PCDHGA8: variants seen among roughly 807,000 people sequenced by gnomAD.
PCDHGA8 encodes protocadherin gamma subfamily A, 8, also known as protocadherin gamma-A8.
In PCDHGA8, 45 loss-of-function variants were observed where a neutral mutation model predicts 59.2. The observed-to-expected ratio is 0.76, with a 90% CI of 0.60 to 0.98. The LOEUF (loss-of-function observed/expected upper bound fraction) is 0.98. Ranked by LOEUF, PCDHGA8 falls within the 50% of genes least tolerant of loss-of-function variation. The pLI, the probability that PCDHGA8 is intolerant of heterozygous loss-of-function variation, is 0.00. For synonymous variants in PCDHGA8, 531 were observed against 519.0 expected (o/e 1.02, Z -0.32); for missense variants, 1,257 against 1,196.2 (o/e 1.05, Z -0.75).
In PCDHGA8 at chr5:141,510,950, C is replaced by T. The variant is rs770587030; in HGVS notation, c.2576C>T (p.Ala859Val). 1.2e-6 allele frequency: 2 copies of T among 1,614,126 alleles called. No homozygotes were observed. The highest frequency in any genetic ancestry group is 2.2e-5 in the South Asian group (2 of 91,078). ...QAMILASASE[A>V]ADGSSTLGGG... Reference sequence around the variant, plus strand: ...TGATCTTCCTCTGTCTCTGCAGAAGCTGCTGATGGGAGCTCCACCCTGGGA... The same window carrying T: ...TGATCTTCCTCTGTCTCTGCAGAAGTTGCTGATGGGAGCTCCACCCTGGGA... The change falls in exon 4 of 4, where the codon GCT (alanine) becomes GTT (valine). Residue 859 changes from alanine (A) to valine (V), a missense_variant. Physicochemically the swap from Ala to Val is moderately conservative, Grantham distance 64. Transcript: ENST00000398604.
chr5:141,488,815 T>A (rs769851687), intron 1 of PCDHGA8, among the ~76,000 whole-genome samples: 30 of 152,144 alleles, frequency 2.0e-4, no homozygotes, highest in Non-Finnish European at 4.1e-4. Context: ...ATCTGAGCTG[T>A]CAAACTTTGC....
At chr5:141,462,062 A>T (rs957948334) in intron 1 of PCDHGA8, among the ~76,000 whole-genome samples, 3 of 152,168 alleles carry the variant, frequency 2.0e-5, no homozygotes, top group African/African-American at 2.4e-5. Context: ...ACCTCAGGTG[A>T]TCTGCCCGCC....
In PCDHGA8 at chr5:141,432,867, T is replaced by C; in HGVS notation, c.2424+37630T>C. ...GTAGCGGTGGCCGCGGTCTCCTGCG[T>C]CTTCCTGGCCTTCGTCATCTTGCTG... On this transcript the variant is annotated intron_variant, in intron 1 of 3. Coordinates refer to ENST00000398604, the MANE Select transcript of PCDHGA8 (RefSeq NM_032088.2). The surrounding 1 kb of genome is among the most constrained non-coding windows in gnomAD (Gnocchi z 6.0). 2 of 1,614,182 alleles carry C rather than the reference T, an allele frequency of 1.2e-6. No individual in the cohort carries two copies. The highest frequency in any genetic ancestry group is 1.7e-6 in the Non-Finnish European group (2 of 1,180,010).
At chr5:141,482,957 C>A (rs2099575063) in intron 1 of PCDHGA8, among the ~76,000 whole-genome samples, 2 of 57,944 alleles carry the variant, frequency 3.5e-5, no homozygotes, top group Admixed American at 1.5e-4. Context: ...CCTGTAATTC[C>A]AGCTACTTGA....
intron 1 of PCDHGA8, among the ~76,000 whole-genome samples, chr5:141,492,084 G>C (rs979755390): frequency 2.0e-5 from 3 of 152,236 alleles, no homozygotes; most frequent in African/African-American, 7.2e-5. Flanking sequence ...GCTCCGGCAC[G>C]CTTCGCCGGT....
At chr5:141,459,136 T>C (rs1044347522) in intron 1 of PCDHGA8, among the ~76,000 whole-genome samples, 2 of 152,224 alleles carry the variant, frequency 1.3e-5, no homozygotes, top group Non-Finnish European at 2.9e-5. Context: ...GTAACCACCA[T>C]GCAATCAAAA....
At chr5:141,408,643 C>T (rs751905674) in intron 1 of PCDHGA8, 3 of 1,613,910 alleles carry the variant, frequency 1.9e-6, no homozygotes, top group Non-Finnish European at 1.7e-6. Context: ...AATCTGCATC[C>T]GCTGGTACAC....
chr5:141,488,222 G>A (rs1351438124), intron 1 of PCDHGA8, among the ~76,000 whole-genome samples: 1 of 152,104 alleles, frequency 6.6e-6, no homozygotes, highest in Admixed American at 6.5e-5. Flanking sequence ...TCCCTACTGG[G>A]GATTTGAACT....
intron 1 of PCDHGA8, chr5:141,419,588 A>C: frequency 6.2e-7 from 1 of 1,611,830 alleles, no homozygotes; most frequent in Non-Finnish European, 8.5e-7. Flanking sequence ...GCTCTTCGAC[A>C]CAGTGCCGCG....
In PCDHGA8 at chr5:141,423,758, G is replaced by T. The variant is rs1192987646; in HGVS notation, c.2424+28521G>T. Reference sequence around the variant, plus strand: ...CTGTTATGAAAACTGTTTGGGGGGGGGGTGGGGCGGCATATATTTAGTTCA... The same window carrying T: ...CTGTTATGAAAACTGTTTGGGGGGGTGGTGGGGCGGCATATATTTAGTTCA... On this transcript the variant is annotated intron_variant, in intron 1 of 3. Transcript: ENST00000398604. 1.4e-4 allele frequency: 53 copies of T among 366,832 alleles called. 6 individuals carry two copies. The highest frequency in any genetic ancestry group is 3.4e-4 in the South Asian group (4 of 11,762). 22.7% of individuals were successfully genotyped at this position (366,832 alleles called of 1,614,324 possible).
In PCDHGA8 at chr5:141,505,323, G is replaced by T. The variant is rs996747379; in HGVS notation, c.2484-70G>T. 12 of 1,606,640 alleles carry T rather than the reference G, an allele frequency of 7.5e-6. No homozygotes were observed. In the African/African-American group the frequency reaches 1.5e-4, roughly 20 times the overall value. On this transcript the variant is annotated intron_variant, in intron 2 of 3. Transcript: ENST00000398604. Reference sequence around the variant, plus strand: ...TAGGGTACTAGGTTTGGGAGCCCTGGGAGAGGACAGGAGGGGCATGAGCTG... The same window carrying T: ...TAGGGTACTAGGTTTGGGAGCCCTGTGAGAGGACAGGAGGGGCATGAGCTG...
In PCDHGA8 at chr5:141,511,352, C is replaced by A. The variant is rs2099883742; in HGVS notation, c.*179C>A. The A allele has an allele frequency of 3.6e-6, 5 of 1,381,248 alleles. No homozygotes were observed. The highest frequency in any genetic ancestry group is 2.7e-4 in the Middle Eastern group (1 of 3,772). 85.6% of individuals were successfully genotyped at this position (1,381,248 alleles called of 1,614,324 possible). ...CAGTCAGCACCTACCCCTTCCCCCCCAGGGGGTTGAATATGCAAAAGCAGT... is the reference window on the plus strand; with the variant it reads ...CAGTCAGCACCTACCCCTTCCCCCCAAGGGGGTTGAATATGCAAAAGCAGT... On this transcript the variant is annotated 3_prime_UTR_variant, in exon 4 of 4. Coordinates refer to ENST00000398604, the MANE Select transcript of PCDHGA8 (RefSeq NM_032088.2).
rs761831761 is a variant in PCDHGA8 at position 141,485,471 on chromosome 5, G to A, written c.2425-9336G>A. The A allele has an allele frequency of 4.3e-6, 7 of 1,614,144 alleles. No homozygotes were observed. The Admixed American group carries it at 5.0e-5, about 12-fold the overall frequency. On this transcript the variant is annotated intron_variant, in intron 1 of 3. Transcript: ENST00000398604. This position sits in a 1 kb window ranked among gnomAD's most constrained non-coding sequence, Gnocchi z 5.7. ...CCGAGAGGCACTGTGTGGGCTCAGT[G>A]CCAGCTGCATCGTGCCCCTGGAGTT...
intron 1 of PCDHGA8, among the ~76,000 whole-genome samples, chr5:141,494,469 C>T (rs2099754623): frequency 6.6e-6 from 1 of 152,114 alleles, no homozygotes; most frequent in Non-Finnish European, 1.5e-5. Flanking sequence ...GCACCTCTTC[C>T]CCCAGTTCCA....
chr5:141,489,260 CACA>C lies in PCDHGA8; in HGVS notation c.2425-5546_2425-5544del, dbSNP rs1242559724. 1 of 1,552,022 alleles carries C rather than the reference CACA, an allele frequency of 6.4e-7. No individual in the cohort carries two copies. Among genetic ancestry groups the C allele is most frequent in the Non-Finnish European group, 8.7e-7 (1 of 1,149,038 alleles). ...TGGGTCATGGGGCCCAAGACACTCCCACAGCTCGCTGGGAAATGGCAAGTGCTG... is the reference window on the plus strand; with the variant it reads ...TGGGTCATGGGGCCCAAGACACTCCCGCTCGCTGGGAAATGGCAAGTGCTG... On this transcript the variant is annotated intron_variant, in intron 1 of 3. Coordinates refer to ENST00000398604, the MANE Select transcript of PCDHGA8 (RefSeq NM_032088.2). The surrounding 1 kb of genome is among the most constrained non-coding windows in gnomAD (Gnocchi z 4.5).
intron 1 of PCDHGA8, chr5:141,405,200 C>T (rs1458944760): frequency 2.5e-6 from 4 of 1,613,508 alleles, no homozygotes; most frequent in Non-Finnish European, 3.4e-6. Flanking sequence ...TCGAGCTTTC[C>T]TACAGACCTA....
chr5:141,439,756 G>A (rs74623862), intron 1 of PCDHGA8: 30 of 152,422 alleles, frequency 2.0e-4, no homozygotes, highest in African/African-American at 7.0e-4. Context: ...CAGGCAATGA[G>A]TTCAGCTCCT....
At chr5:141,452,527 G>A (rs1164238830) in intron 1 of PCDHGA8, among the ~76,000 whole-genome samples, 1 of 152,156 alleles carries the variant, frequency 6.6e-6, no homozygotes, top group Non-Finnish European at 1.5e-5. Flanking sequence ...TCAAAATCGT[G>A]AGTTCATATT....
intron 1 of PCDHGA8, among the ~76,000 whole-genome samples, chr5:141,457,254 A>G (rs2098914828): frequency 6.6e-6 from 1 of 152,222 alleles, no homozygotes; most frequent in Admixed American, 6.5e-5. Flanking sequence ...TTGCCAACAT[A>G]TAGAATTCCC....
Sources: gnomAD v4.1 joint callset for allele counts (sites outside exome capture counted in the v4.1 genomes callset) on GRCh38, gnomAD v4.1.1 for gene constraint, Gnocchi (gnomAD v3.1) non-coding constraint, MANE v1.5 for transcripts, NCBI Gene and HGNC (gene_info 2026-07-23, HGNC 2026-07-21) for gene names.